ATP10B: variants seen among roughly 807,000 people sequenced by gnomAD.
The protein encoded by ATP10B is ATPase phospholipid transporting 10B (putative).
ATP10B carries 122 observed loss-of-function variants against 141.2 expected under a neutral mutation model. The observed-to-expected ratio is 0.86, with a 90% CI of 0.75 to 1.00. The LOEUF (loss-of-function observed/expected upper bound fraction) is 1.00. Ranked by LOEUF, ATP10B falls within the 50% of genes least tolerant of loss-of-function variation. ATP10B has a pLI of 0.00. For synonymous variants in ATP10B, 685 were observed against 692.0 expected, an observed-to-expected ratio of 0.99 and a Z score of 0.16; for missense variants, 1,876 against 1,825.3, an observed-to-expected ratio of 1.03 and a Z score of -0.51.
chr5:160,671,035 C>G (rs778189918), intron 6 of ATP10B, among the ~76,000 whole-genome samples: 1 of 151,440 alleles, frequency 6.6e-6, no homozygotes, highest in Non-Finnish European at 1.5e-5. Context: ...TGTGGTGGTG[C>G]GTGCCTGTAG....
chr5:160,657,863 G>T (rs1321505700), intron 7 of ATP10B, among the ~76,000 whole-genome samples: 1 of 152,178 alleles, frequency 6.6e-6, no homozygotes, highest in Non-Finnish European at 1.5e-5. Context: ...ATAAATACTT[G>T]ATGAATGAAT....
intron 12 of ATP10B, 45 bp downstream of exon 12, chr5:160,634,309 A>G (rs748238214): frequency 5.0e-6 from 8 of 1,613,516 alleles, no homozygotes; most frequent in Non-Finnish European, 6.8e-6. Context: ...AGAGCAGGGT[A>G]TTTCCTTTTA....
chr5:160,700,394 A>G (rs191657863), intron 3 of ATP10B, among the ~76,000 whole-genome samples: 2 of 152,256 alleles, frequency 1.3e-5, no homozygotes, highest in African/African-American at 4.8e-5. Context: ...CATCTCTAGC[A>G]CTTTCATCTC....
the ATP10B span, among the ~76,000 whole-genome samples, chr5:160,925,963 G>A: frequency 6.6e-6 from 1 of 152,220 alleles, no homozygotes; most frequent in Non-Finnish European, 1.5e-5. Flanking sequence ...AATGTCAACT[G>A]ATGTATCCAT....
intron 1 of ATP10B, among the ~76,000 whole-genome samples, chr5:160,827,181 C>T (rs1774676313): frequency 6.6e-6 from 1 of 152,214 alleles, no homozygotes; most frequent in Non-Finnish European, 1.5e-5. Flanking sequence ...ATGTCACCCC[C>T]AGAGGCCCAG....
chr5:160,749,272 A>T (rs537389012), intron 2 of ATP10B, among the ~76,000 whole-genome samples: 1 of 152,320 alleles, frequency 6.6e-6, no homozygotes, highest in East Asian at 1.9e-4. Flanking sequence ...CAGCTCTGTT[A>T]CACATAAGGA....
At chr5:160,844,964 T>C (rs1336250646) in intron 1 of ATP10B, among the ~76,000 whole-genome samples, 1 of 152,238 alleles carries the variant, frequency 6.6e-6, no homozygotes, top group Non-Finnish European at 1.5e-5. Context: ...TTTGTGTGCC[T>C]GTTGGGCATA....
At chr5:160,905,629 T>C in the ATP10B span, among the ~76,000 whole-genome samples, 1 of 152,116 alleles carries the variant, frequency 6.6e-6, no homozygotes, top group Non-Finnish European at 1.5e-5. Context: ...GGGCTTGTTG[T>C]AATAAGTAAA....
At chr5:160,673,465 G>C (rs962505450) in intron 6 of ATP10B, among the ~76,000 whole-genome samples, 2 of 151,918 alleles carry the variant, frequency 1.3e-5, no homozygotes, top group African/African-American at 4.8e-5. Flanking sequence ...ATATATAATT[G>C]AATTATTATT....
intron 15 of ATP10B, among the ~76,000 whole-genome samples, chr5:160,619,168 G>A (rs58209641): frequency 0.014 from 2,056 of 152,270 alleles, 47 homozygotes; most frequent in African/African-American, 0.047. Flanking sequence ...AAACCTGTTT[G>A]TCTTTTACTT....
At position 160,651,904 on chromosome 5, in the gene ATP10B, C is replaced by T. The variant is rs548610367; in HGVS notation, c.676-2648G>A. Among the ~76,000 whole-genome samples, 18 of 152,214 alleles carry T rather than the reference C, an allele frequency of 1.2e-4. No individual in the cohort carries two copies. The South Asian group carries it at 3.5e-3, about 30-fold the overall frequency. On this transcript the variant is annotated intron_variant, in intron 7 of 25. Transcript: ENST00000327245. The stretch of plus-strand genomic sequence containing the variant: ...CTGTAATTTGTCAGCTGCTTTCATG[C>T]CCCTGATTAAGTCATGTGCTTCACT...
chr5:160,652,889 T>TTATATAATATATTATATATTACATGTA (rs1760909070), intron 7 of ATP10B, among the ~76,000 whole-genome samples: 13 of 32,408 alleles, frequency 4.0e-4, no homozygotes, highest in Non-Finnish European at 7.2e-4. Flanking sequence ...ATATATATAA[T>TTATATAATATATTATATATTACATGTA]TATATAATAT....
rs1172709538 is a variant in ATP10B, at chr5:160,767,640, C to T, written c.-331+17919G>A. 1.7e-5 allele frequency among the ~76,000 whole-genome samples: 2 copies of T among 117,304 alleles called. 1 individual carries two copies. Among genetic ancestry groups the T allele is most frequent in the Non-Finnish European group, 3.7e-5 (2 of 54,540 alleles). The allele number at this position is 117,304 out of a possible 152,430, so 77.0% of individuals were successfully genotyped here. A position where few individuals can be genotyped will look rare whatever the true frequency, so the allele number is the denominator to read the frequency against. On this transcript the variant is annotated intron_variant, in intron 2 of 25. Transcript: ENST00000327245. ...GTGAGGGTCATGTGTGCAGAACCCC[C>T]CCCCCCAAAATAACAGGTTACTCTG...
the ATP10B span, among the ~76,000 whole-genome samples, chr5:160,880,283 A>G: frequency 1.7e-4 from 25 of 147,620 alleles, no homozygotes; most frequent in African/African-American, 5.9e-4. Context: ...AAAAGAAACT[A>G]TGATGAAAGA....
chr5:160,897,903 T>C, the ATP10B span, among the ~76,000 whole-genome samples: 6 of 152,156 alleles, frequency 3.9e-5, no homozygotes, highest in African/African-American at 1.4e-4. Flanking sequence ...TACAACTATC[T>C]GATCTTTGAC....
rs771971659 is a variant in ATP10B at position 160,636,248 on chromosome 5, A to C, written c.1062T>G (p.Asn354Lys). 1.2e-6 allele frequency: 2 copies of C among 1,613,796 alleles called. No homozygotes were observed. The highest frequency in any genetic ancestry group is 1.7e-5 in the Admixed American group (1 of 59,988). ...EHPPFDVPDA[N>K]GSFLPSALGG... ...CAAGGGCACTGGGAAGGAAGCTGCC[A>C]TTGGCATCTGGCACATCGAAGGGAG... Residue 354 changes from asparagine (N) to lysine (K), a missense_variant, in exon 11 of 26, where the codon AAT becomes AAG. By Grantham distance (94) the Asn-to-Lys change is moderately conservative. Coordinates refer to ENST00000327245, the MANE Select transcript of ATP10B (RefSeq NM_025153.3).
At chr5:160,611,393 C>T (rs192424283) in intron 18 of ATP10B, among the ~76,000 whole-genome samples, 3 of 151,962 alleles carry the variant, frequency 2.0e-5, no homozygotes, top group African/African-American at 7.3e-5. Context: ...CATTGCAAAC[C>T]GAATTTCCAT....
the ATP10B span, among the ~76,000 whole-genome samples, chr5:160,876,475 A>G: frequency 8.0e-5 from 12 of 149,170 alleles, no homozygotes; most frequent in Non-Finnish European, 4.5e-5. Context: ...AATTAAAAGA[A>G]CTAGAAAAGC....
the ATP10B span, among the ~76,000 whole-genome samples, chr5:160,869,467 T>C: frequency 2.0e-5 from 3 of 152,102 alleles, no homozygotes; most frequent in African/African-American, 7.3e-5. Flanking sequence ...TGCCTTTTTA[T>C]TTCAGTTGGG....
Sources: allele counts gnomAD v4.1 joint callset (sites outside exome capture counted in the v4.1 genomes callset), GRCh38; gene constraint gnomAD v4.1.1; transcripts MANE v1.5; gene names NCBI Gene and HGNC (gene_info 2026-07-23, HGNC 2026-07-21).